The following DLAT variants were observed in gnomAD, a reference collection of about 807,000 sequenced individuals.
The protein encoded by DLAT is dihydrolipoamide S-acetyltransferase.
DLAT carries 43 observed loss-of-function variants against 68.0 expected under a neutral mutation model. The observed-to-expected ratio is 0.63, with a 90% confidence interval of 0.50 to 0.81. The LOEUF (loss-of-function observed/expected upper bound fraction) is 0.81, where lower values mean the gene tolerates loss of function less well. DLAT is among the 40% of genes least tolerant of loss of function. The pLI is 0.00. For synonymous variants in DLAT, 265 were observed against 288.6 expected, an observed-to-expected ratio of 0.92 and a Z score of 0.83; for missense variants, 745 against 815.4, an observed-to-expected ratio of 0.91 and a Z score of 1.05.
At position 112,061,205 on chromosome 11, in the gene DLAT, G is replaced by A. The variant is rs1464840379; in HGVS notation, c.1814+31G>A. On this transcript the variant is annotated intron_variant, in intron 13 of 13. Transcript: ENST00000280346. Reference sequence around the variant, plus strand: ...TGCCAAAATGGAGGGGAAGTCGTAAGCTAATTTTTATTACACTGTACACTT... The same window carrying A: ...TGCCAAAATGGAGGGGAAGTCGTAAACTAATTTTTATTACACTGTACACTT... 3 of 1,613,358 alleles carry A rather than the reference G, an allele frequency of 1.9e-6. No homozygotes were observed. The East Asian group carries it at 6.7e-5, about 36-fold the overall frequency.
At chr11:112,043,266 C>T (rs1320772840) in intron 7 of DLAT, among the ~76,000 whole-genome samples, 200 bp from the exon 8 acceptor site, 1 of 152,200 alleles carries the variant, frequency 6.6e-6, no homozygotes, top group Non-Finnish European at 1.5e-5. Context: ...CACACTGGTA[C>T]TCTGTGTGGA....
chr11:112,026,339 T>A (rs782546220), intron 2 of DLAT, 40 bp downstream of exon 2: 19 of 1,142,024 alleles, frequency 1.7e-5, no homozygotes, highest in African/African-American at 1.1e-4. Context: ...TTATTTATTT[T>A]TTTTATTGAT....
In DLAT at chr11:112,036,203, T is replaced by G. The variant is rs10891312; in HGVS notation, c.788-1070T>G. ...TGTGTGTGTGTGTGTGTGTGTGTGT[T>G]TTTTTTTTTTTTTTTTTTTTTTTTT... On this transcript the variant is annotated intron_variant, in intron 5 of 13. Transcript: ENST00000280346. Among the ~76,000 whole-genome samples the G allele has an allele frequency of 9.4e-3, 208 of 22,016 alleles. 2 individuals carry two copies. The highest frequency in any genetic ancestry group is 0.029 in the African/African-American group (182 of 6,316). The allele number at this position is 22,016 out of a possible 152,430, so 14.4% of individuals were successfully genotyped here. A position where few individuals can be genotyped will look rare whatever the true frequency, so the allele number is the denominator to read the frequency against.
At chr11:112,045,089 C>G (rs782292389) in intron 8 of DLAT, 49 bp from the exon 9 acceptor site, 47 of 1,428,138 alleles carry the variant, frequency 3.3e-5, no homozygotes, top group Admixed American at 5.0e-5. Flanking sequence ...CAGGTACTTA[C>G]GCTAAGATTG....
At chr11:112,058,621 G>GA (rs1360225035) in intron 11 of DLAT, among the ~76,000 whole-genome samples, 2 of 129,060 alleles carry the variant, frequency 1.5e-5, no homozygotes, top group African/African-American at 5.6e-5. Context: ...GGGGAAGGGG[G>GA]GGGTGGGGGG....
intron 11 of DLAT, among the ~76,000 whole-genome samples, chr11:112,054,274 C>A (rs1027467528): frequency 6.6e-6 from 1 of 151,932 alleles, no homozygotes; most frequent in Admixed American, 6.6e-5. Context: ...TGGGATTGCA[C>A]GCGCCACTGC....
rs1863152807 is a variant in DLAT, at chr11:112,043,551, C to G, written c.1197+18C>G. ...TTGCTCCTGTGAGTTATGTGTAGCT[C>G]TTACTTTTTTTGCAGTTTGTCTCTA... On this transcript the variant is annotated intron_variant, in intron 8 of 13. Transcript: ENST00000280346. The G allele has an allele frequency of 6.2e-7, 1 of 1,612,084 alleles. No homozygotes were observed. Among genetic ancestry groups the G allele is most frequent in the Non-Finnish European group, 8.5e-7 (1 of 1,178,164 alleles).
intron 11 of DLAT, among the ~76,000 whole-genome samples, chr11:112,055,847 ACTT>A (rs1864005004): frequency 2.0e-5 from 1 of 49,672 alleles, no homozygotes; most frequent in African/African-American, 7.0e-5. Flanking sequence ...GCATATAGAC[ACTT>A]TTTTTTTTTT....
At position 112,025,647 on chromosome 11, in the gene DLAT, T is replaced by G. The variant is rs782679233; in HGVS notation, c.175T>G (p.Cys59Gly). The G allele has an allele frequency of 6.2e-7, 1 of 1,613,264 alleles. No individual in the cohort carries two copies. The highest frequency in any genetic ancestry group is 8.5e-7 in the Non-Finnish European group (1 of 1,179,978). ...AGGGTATGGCGGGGTCCGGGCACTG[T>G]GCGGCTGGACCCCCAGTTCTGGGGC... Reference protein sequence around the residue: ...TTGYGGVRALCGWTPSSGATP... With the variant: ...TTGYGGVRALGGWTPSSGATP... The change falls in exon 1 of 14, where the codon TGC (cysteine) becomes GGC (glycine). Residue 59 changes from cysteine (C) to glycine (G), a missense_variant. Coordinates refer to ENST00000280346, the MANE Select transcript of DLAT (RefSeq NM_001931.5).
Position 112,026,292 on chromosome 11 carries a change from T to C in DLAT, c.374T>C (p.Ile125Thr). The C allele has an allele frequency of 1.3e-6, 2 of 1,541,472 alleles. No individual in the cohort carries two copies. Among genetic ancestry groups the C allele is most frequent in the Non-Finnish European group, 1.8e-6 (2 of 1,139,746 alleles). Residue 125 changes from isoleucine to threonine, a missense_variant, in exon 2 of 14, where the codon ATT becomes ACT. Coordinates refer to ENST00000280346, the MANE Select transcript of DLAT (RefSeq NM_001931.5). Reference sequence around the variant, plus strand: ...GACAAAATCAATGAAGGTGACCTAATTGCAGAGGTAAGTTTTTTTTTTTTT... The same window carrying C: ...GACAAAATCAATGAAGGTGACCTAACTGCAGAGGTAAGTTTTTTTTTTTTT... ...EGDKINEGDL[I>T]AEVETDKATV...
At chr11:112,047,076 A>G (rs1316008370) in intron 10 of DLAT, among the ~76,000 whole-genome samples, 1 of 151,994 alleles carries the variant, frequency 6.6e-6, no homozygotes, top group East Asian at 1.9e-4. Flanking sequence ...ACTAATTTAC[A>G]CTCCTACCAA....
Position 112,025,672 on chromosome 11 carries a change from C to T in DLAT, c.200C>T (p.Ala67Val). 6.2e-7 allele frequency: 1 copy of T among 1,612,988 alleles called. No homozygotes were observed. Among genetic ancestry groups the T allele is most frequent in the Non-Finnish European group, 8.5e-7 (1 of 1,179,966 alleles). ...TGCGGCTGGACCCCCAGTTCTGGGG[C>T]CACGCCGCGGAACCGCTTACTGCTG... ...ALCGWTPSSGATPRNRLLLQL... is the reference protein window; with the variant it reads ...ALCGWTPSSGVTPRNRLLLQL... The change falls in exon 1 of 14, where the codon GCC (alanine) becomes GTC (valine). Residue 67 changes from alanine to valine, a missense_variant. Ala to Val is a moderately conservative substitution (Grantham distance 64, BLOSUM62 0). Coordinates refer to ENST00000280346, the MANE Select transcript of DLAT (RefSeq NM_001931.5).
chr11:112,043,475 C>G lies in DLAT; in HGVS notation c.1139C>G (p.Pro380Arg), dbSNP rs1863148043. The G allele has an allele frequency of 6.2e-7, 1 of 1,613,918 alleles. No homozygotes were observed. ...IDLTQVKGTG[P>R]DGRITKKDID... Reference sequence around the variant, plus strand: ...TTTATGTCTCTTACAGGGACAGGACCAGATGGTAGAATCACCAAGAAGGAT... The same window carrying G: ...TTTATGTCTCTTACAGGGACAGGACGAGATGGTAGAATCACCAAGAAGGAT... Residue 380 changes from proline to arginine, a missense_variant, in exon 8 of 14, where the codon CCA becomes CGA. Physicochemically the swap from Pro to Arg is moderately radical, Grantham distance 103 (BLOSUM62 -2). Coordinates refer to ENST00000280346, the MANE Select transcript of DLAT (RefSeq NM_001931.5).
In DLAT at chr11:112,037,318, C is replaced by G; in HGVS notation, c.833C>G (p.Pro278Arg). The change falls in exon 6 of 14, where the codon CCT (proline) becomes CGT (arginine). Residue 278 changes from proline to arginine, a missense_variant. Pro to Arg is a moderately radical substitution (Grantham distance 103). Coordinates refer to ENST00000280346, the MANE Select transcript of DLAT (RefSeq NM_001931.5). ...GGTTATCTGGCAAAAATCCTGGTCC[C>G]TGAAGGCACAAGAGATGTCCCTCTA... ...EEGYLAKILV[P>R]EGTRDVPLGT... 1 of 1,614,176 alleles carries G rather than the reference C, an allele frequency of 6.2e-7. No homozygotes were observed. The highest frequency in any genetic ancestry group is 8.5e-7 in the Non-Finnish European group (1 of 1,180,024).
At chr11:112,028,702 G>A (rs1862225456) in intron 3 of DLAT, 63 bp downstream of exon 3, 1 of 1,614,000 alleles carries the variant, frequency 6.2e-7, no homozygotes, top group Non-Finnish European at 8.5e-7. Context: ...ACCCAGAATT[G>A]AGAATTAGGA....
chr11:112,050,947 A>G (rs1863585113), intron 10 of DLAT, among the ~76,000 whole-genome samples: 1 of 152,172 alleles, frequency 6.6e-6, no homozygotes, highest in African/African-American at 2.4e-5. Context: ...CCACCTCAGG[A>G]TATTTGTATA....
intron 6 of DLAT, among the ~76,000 whole-genome samples, chr11:112,038,976 A>AT (rs1358048156): frequency 6.6e-6 from 1 of 150,398 alleles, no homozygotes; most frequent in East Asian, 1.9e-4. Context: ...CTATACACTG[A>AT]TTGGCAATAT....
At position 112,028,957 on chromosome 11, in the gene DLAT, C is replaced by T; in HGVS notation, c.660+12C>T. On this transcript the variant is annotated intron_variant, in intron 4 of 13. Transcript: ENST00000280346. ...CCCCTCACATGCAGGTGAGGCTCAGCCTCTGAGTTTTTGCTCTAGGTGATT... is the reference window on the plus strand; with the variant it reads ...CCCCTCACATGCAGGTGAGGCTCAGTCTCTGAGTTTTTGCTCTAGGTGATT... 1 of 1,613,944 alleles carries T rather than the reference C, an allele frequency of 6.2e-7. No homozygotes were observed. Among genetic ancestry groups the T allele is most frequent in the African/African-American group, 1.3e-5 (1 of 75,032 alleles).
chr11:112,061,380 C>A, intron 13 of DLAT: 1 of 578,672 alleles, frequency 1.7e-6, no homozygotes. Flanking sequence ...TATAATAATA[C>A]AATACCTAAA....
Sources: allele counts gnomAD v4.1 joint callset (sites outside exome capture counted in the v4.1 genomes callset), GRCh38; gene constraint gnomAD v4.1.1; transcripts MANE v1.5; gene names NCBI Gene and HGNC (gene_info 2026-07-23, HGNC 2026-07-21).